RGS17: variants seen among roughly 807,000 people sequenced by gnomAD.
The protein encoded by RGS17 is regulator of G protein signaling 17.
Under a neutral mutation model 25.5 loss-of-function variants are expected in RGS17, and 12 were observed. That is an observed-to-expected ratio of 0.47 (90% CI 0.30 to 0.76). The LOEUF is 0.76. Among genes scored for constraint, RGS17 ranks in the 30% least tolerant of loss-of-function variants. The pLI is 0.07. For missense variants in RGS17, 196 were observed against 242.2 expected (o/e 0.81, Z 1.27); for synonymous variants, 71 against 76.9 (o/e 0.92, Z 0.40).
chr6:153,090,852 T>C (rs1777120598), intron 1 of RGS17, among the ~76,000 whole-genome samples: 1 of 57,578 alleles, frequency 1.7e-5, no homozygotes, highest in South Asian at 9.7e-4. Context: ...AAAAACATAG[T>C]ATATATATAT....
chr6:153,061,892 T>C (rs1049414677), intron 1 of RGS17, among the ~76,000 whole-genome samples: 5 of 152,332 alleles, frequency 3.3e-5, no homozygotes, highest in East Asian at 3.9e-4. Flanking sequence ...ATATTAAGCA[T>C]ATGAGAGCAA....
In RGS17 at chr6:153,010,548, A is replaced by T. The variant is rs571029306; in HGVS notation, c.*1026T>A. The stretch of plus-strand genomic sequence containing the variant: ...TGGTAAAAACTTAGCTTTTCATTGG[A>T]TTTCACTTTCAAGGAAAATATGCCA... On this transcript the variant is annotated 3_prime_UTR_variant, in exon 5 of 5. Coordinates refer to ENST00000206262, the MANE Select transcript of RGS17 (RefSeq NM_012419.5). 1 of 152,168 alleles carries T rather than the reference A, an allele frequency of 6.6e-6. No individual in the cohort carries two copies. The highest frequency in any genetic ancestry group is 2.4e-5 in the African/African-American group (1 of 41,564). 9.4% of individuals were successfully genotyped at this position (152,168 alleles called of 1,614,324 possible).
At position 153,087,571 on chromosome 6, in the gene RGS17, A is replaced by T. The variant is rs149590413; in HGVS notation, c.-25-43528T>A. Among the ~76,000 whole-genome samples the T allele has an allele frequency of 8.5e-5, 13 of 152,306 alleles. No homozygotes were observed. In the East Asian group the frequency reaches 2.3e-3, roughly 27 times the overall value. ...TGCAATCTAATGAAGAACTTTCAAC[A>T]TTTGCCCAGTTGGATGTCAGGATTT... On this transcript the variant is annotated intron_variant, in intron 1 of 4. Coordinates refer to ENST00000206262, the MANE Select transcript of RGS17 (RefSeq NM_012419.5).
intron 1 of RGS17, among the ~76,000 whole-genome samples, chr6:153,050,447 C>T (rs889001716): frequency 1.3e-5 from 2 of 152,140 alleles, no homozygotes; most frequent in Admixed American, 6.5e-5. Flanking sequence ...GCAGGCGGGT[C>T]ATAAAAGAGG....
intron 1 of RGS17, among the ~76,000 whole-genome samples, chr6:153,109,593 G>T (rs114239192): frequency 0.011 from 1,693 of 152,322 alleles, 30 homozygotes; most frequent in African/African-American, 0.039. Flanking sequence ...ATTTTAATCT[G>T]TCCTTTGCAA....
intron 1 of RGS17, among the ~76,000 whole-genome samples, chr6:153,128,076 A>G (rs1777729057): frequency 6.6e-6 from 1 of 152,106 alleles, no homozygotes; most frequent in African/African-American, 2.4e-5. Context: ...TCAATCTCAC[A>G]CTGAAAGTCT....
intron 1 of RGS17, among the ~76,000 whole-genome samples, chr6:153,055,447 T>C (rs1776540525): frequency 6.6e-6 from 1 of 152,138 alleles, no homozygotes. Context: ...TACCTCCCTA[T>C]AGAGGAAGAG....
At chr6:153,053,126 C>T (rs1170909826) in intron 1 of RGS17, among the ~76,000 whole-genome samples, 1 of 152,146 alleles carries the variant, frequency 6.6e-6, no homozygotes, top group Non-Finnish European at 1.5e-5. Context: ...TAAGACACAA[C>T]CAATATTCTC....
intron 1 of RGS17, among the ~76,000 whole-genome samples, chr6:153,108,203 C>T (rs903881649): frequency 5.9e-5 from 9 of 152,162 alleles, no homozygotes; most frequent in Non-Finnish European, 1.0e-4. Flanking sequence ...ACATAATTTT[C>T]CCAAAAGTTT....
chr6:153,112,441 G>A lies in RGS17; in HGVS notation c.-26+18683C>T, dbSNP rs144238277. Among the ~76,000 whole-genome samples the A allele has an allele frequency of 3.0e-4, 45 of 152,274 alleles. No individual in the cohort carries two copies. The East Asian group carries it at 6.0e-3, about 20-fold the overall frequency. The stretch of plus-strand genomic sequence containing the variant: ...GGACTATGGAAAAGACCAAATCTAC[G>A]TTTGATTGGTGTACCTGAAAGTGAC... On this transcript the variant is annotated intron_variant, in intron 1 of 4. Transcript: ENST00000206262.
intron 1 of RGS17, among the ~76,000 whole-genome samples, chr6:153,084,907 A>G (rs985027043): frequency 2.0e-5 from 3 of 152,220 alleles, no homozygotes; most frequent in African/African-American, 7.2e-5. Context: ...AGACTTAAAA[A>G]TTGTACGGAT....
At chr6:153,033,147 C>G (rs1049223477) in intron 2 of RGS17, among the ~76,000 whole-genome samples, 11 of 151,986 alleles carry the variant, frequency 7.2e-5, no homozygotes, top group Admixed American at 7.2e-4. Context: ...TTTCTATATA[C>G]GCATCTGTTT....
At chr6:153,050,521 T>A (rs1012996782) in intron 1 of RGS17, among the ~76,000 whole-genome samples, 1 of 152,106 alleles carries the variant, frequency 6.6e-6, no homozygotes, top group African/African-American at 2.4e-5. Context: ...GAAATGTGGA[T>A]AAAAAAGTAT....
intron 1 of RGS17, among the ~76,000 whole-genome samples, chr6:153,081,020 G>A (rs1430383783): frequency 6.6e-6 from 1 of 151,812 alleles, no homozygotes; most frequent in Non-Finnish European, 1.5e-5. Context: ...ATTGGTTAAT[G>A]GCTCAGCATC....
intron 1 of RGS17, among the ~76,000 whole-genome samples, chr6:153,066,265 G>A (rs1297093748): frequency 2.0e-5 from 3 of 151,994 alleles, no homozygotes; most frequent in African/African-American, 4.8e-5. Flanking sequence ...AGGAGAAAAG[G>A]GGGAACCATT....
rs186700951 is a variant in RGS17, at chr6:153,115,776, A to G, written c.-26+15348T>C. 2.4e-3 allele frequency among the ~76,000 whole-genome samples: 365 copies of G among 152,218 alleles called. 2 individuals carry two copies. Among genetic ancestry groups the G allele is most frequent in the African/African-American group, 8.3e-3 (344 of 41,554 alleles). ...AGGCCTCAGAAATAATGCCACATCT[A>G]CAATCATCTGATCTTTGACAAACCT... is the stretch of plus-strand genomic sequence containing the variant. On this transcript the variant is annotated intron_variant, in intron 1 of 4. Coordinates refer to ENST00000206262, the MANE Select transcript of RGS17 (RefSeq NM_012419.5).
At chr6:153,023,409 C>A in intron 4 of RGS17, 1 of 505,608 alleles carries the variant, frequency 2.0e-6, no homozygotes, top group South Asian at 1.4e-5. Context: ...TCTCTAAGTG[C>A]TTTGAAGCCC....
At chr6:153,026,021 C>G (rs938536859) in intron 3 of RGS17, among the ~76,000 whole-genome samples, 2 of 152,146 alleles carry the variant, frequency 1.3e-5, no homozygotes, top group African/African-American at 4.8e-5. Context: ...GGAGGCAGCA[C>G]GTGGGGAGAG....
chr6:153,057,143 A>G (rs73012502), intron 1 of RGS17, among the ~76,000 whole-genome samples: 8,960 of 151,694 alleles, frequency 0.059, 340 homozygotes, highest in Admixed American at 0.14. Flanking sequence ...AAACTCTTAT[A>G]TTTTATTTTA....
Sources: gnomAD v4.1 joint callset for allele counts (sites outside exome capture counted in the v4.1 genomes callset) on GRCh38, gnomAD v4.1.1 for gene constraint, MANE v1.5 for transcripts, NCBI Gene and HGNC (gene_info 2026-07-23, HGNC 2026-07-21) for gene names.